LRRC8A: variants seen among roughly 807,000 people sequenced by gnomAD.
LRRC8A encodes volume-regulated anion channel subunit LRRC8A.
LRRC8A carries 24 observed loss-of-function variants against 52.5 expected under a neutral mutation model. The observed-to-expected ratio is 0.46, with a 90% CI of 0.33 to 0.64. LRRC8A has a LOEUF of 0.64. Among genes scored for constraint, LRRC8A ranks in the 30% least tolerant of loss-of-function variants. The probability of loss-of-function intolerance (pLI) is 0.02; values close to 1 mark genes in which losing one functional copy is unlikely to be tolerated. For synonymous variants in LRRC8A, 492 were observed against 494.2 expected (o/e 1.00, Z 0.06); for missense variants, 677 against 1,094.7 (o/e 0.62, Z 5.38).
At chr9:128,890,834 G>T (rs147756310) in intron 2 of LRRC8A, among the ~76,000 whole-genome samples, 62 of 152,298 alleles carry the variant, frequency 4.1e-4, no homozygotes, top group African/African-American at 1.4e-3. Context: ...GTGTGTGGCC[G>T]TGACTCCATG....
Position 128,900,297 on chromosome 9 carries a change from G to A in LRRC8A, c.-8-6860G>A, listed in dbSNP as rs12002632. Among the ~76,000 whole-genome samples the A allele has an allele frequency of 7.3e-3, 1,117 of 152,332 alleles. 8 individuals are homozygous for A. Among genetic ancestry groups the A allele is most frequent in the African/African-American group, 0.019 (791 of 41,574 alleles). ...CTGGGAGAGACTCTGAGTGTATCGAGTCCTAACAATTGACTCTTGTCCTCA... is the reference window on the plus strand; with the variant it reads ...CTGGGAGAGACTCTGAGTGTATCGAATCCTAACAATTGACTCTTGTCCTCA... On this transcript the variant is annotated intron_variant, in intron 2 of 3. Transcript: ENST00000372600.
chr9:128,901,046 G>C (rs904153579), intron 2 of LRRC8A, among the ~76,000 whole-genome samples: 1 of 152,140 alleles, frequency 6.6e-6, no homozygotes, highest in Non-Finnish European at 1.5e-5. Context: ...GGTGGTGCAC[G>C]CCTGTAATCC....
At chr9:128,914,873 C>T (rs1192623158) in intron 3 of LRRC8A, among the ~76,000 whole-genome samples, 1 of 152,188 alleles carries the variant, frequency 6.6e-6, no homozygotes, top group Non-Finnish European at 1.5e-5. Context: ...TTCCTGTGTG[C>T]CAGGAGACAG....
At chr9:128,898,775 T>G (rs1839919209) in intron 2 of LRRC8A, among the ~76,000 whole-genome samples, 2 of 152,260 alleles carry the variant, frequency 1.3e-5, no homozygotes, top group African/African-American at 4.8e-5. Context: ...GGCCCGGCCC[T>G]TGCCTCCAAG....
At chr9:128,882,710 C>T (rs143975099) in intron 1 of LRRC8A, 4 of 399,000 alleles carry the variant, frequency 1.0e-5, no homozygotes, top group Non-Finnish European at 1.8e-5. Context: ...TGCACCCCTC[C>T]TTCCTATCGT....
At chr9:128,901,500 G>C (rs1426052818) in intron 2 of LRRC8A, among the ~76,000 whole-genome samples, 1 of 152,018 alleles carries the variant, frequency 6.6e-6, no homozygotes, top group East Asian at 1.9e-4. Flanking sequence ...GGTGCTACAT[G>C]CCTACAGTCC....
At chr9:128,909,837 C>T (rs946349944) in intron 3 of LRRC8A, among the ~76,000 whole-genome samples, 2 of 152,222 alleles carry the variant, frequency 1.3e-5, no homozygotes, top group African/African-American at 2.4e-5. Flanking sequence ...GAGGGGAAGC[C>T]TTGGATGGTC....
intron 2 of LRRC8A, among the ~76,000 whole-genome samples, chr9:128,904,990 T>C (rs113966926): frequency 0.027 from 2,947 of 108,674 alleles, 102 homozygotes; most frequent in African/African-American, 0.1. Flanking sequence ...AGAGCGAGAC[T>C]CCGTCTCAAA....
At chr9:128,887,279 C>A (rs1034528541) in intron 2 of LRRC8A, among the ~76,000 whole-genome samples, 7 of 152,058 alleles carry the variant, frequency 4.6e-5, no homozygotes, top group Non-Finnish European at 1.5e-5. Context: ...CTGCCTCAGC[C>A]TCCCAACTAG....
chr9:128,908,067 C>A lies in LRRC8A; in HGVS notation c.903C>A (p.Ser301Arg). 1 of 1,614,092 alleles carries A rather than the reference C, an allele frequency of 6.2e-7. No homozygotes were observed. ...FDVDCTVDIE[S>R]LTGYRTYRCA... The stretch of plus-strand genomic sequence containing the variant: ...TGGACTGCACCGTGGACATTGAGAG[C>A]CTGACGGGCTACCGCACCTACCGCT... Residue 301 changes from serine to arginine, a missense_variant, in exon 3 of 4, where the codon AGC (serine) becomes AGA (arginine). Ser to Arg is a moderately radical substitution (Grantham distance 110, BLOSUM62 -1). This residue lies in a region of LRRC8A where 422 missense variants were observed against 741.5 expected (regional missense o/e 0.57). Transcript: ENST00000372600.
At chr9:128,893,438 T>G (rs1156426363) in intron 2 of LRRC8A, among the ~76,000 whole-genome samples, 1 of 152,218 alleles carries the variant, frequency 6.6e-6, no homozygotes, top group Non-Finnish European at 1.5e-5. Flanking sequence ...TAACCCATTT[T>G]AGGATGTAAT....
chr9:128,902,831 G>A lies in LRRC8A; in HGVS notation c.-8-4326G>A, dbSNP rs935001408. Reference sequence around the variant, plus strand: ...GTGGGGCGGGTGCTTGCCCTGGCCCGTGAGTCCTGGCATCACTAGGAGGAC... The same window carrying A: ...GTGGGGCGGGTGCTTGCCCTGGCCCATGAGTCCTGGCATCACTAGGAGGAC... On this transcript the variant is annotated intron_variant, in intron 2 of 3. Transcript: ENST00000372600. The surrounding 1 kb of genome is among the most constrained non-coding windows in gnomAD (Gnocchi z 4.1). Among the ~76,000 whole-genome samples, 1 of 152,178 alleles carries A rather than the reference G, an allele frequency of 6.6e-6. No individual in the cohort carries two copies. The highest frequency in any genetic ancestry group is 2.4e-5 in the African/African-American group (1 of 41,450).
At chr9:128,897,553 ATTTTTTT>A (rs111457899) in intron 2 of LRRC8A, among the ~76,000 whole-genome samples, 1 of 149,552 alleles carries the variant, frequency 6.7e-6, no homozygotes, top group Non-Finnish European at 1.5e-5. Context: ...TTAAAAAAAA[ATTTTTTT>A]TTTGAGACAG....
intron 2 of LRRC8A, among the ~76,000 whole-genome samples, chr9:128,889,019 C>T (rs979955077): frequency 2.0e-5 from 3 of 152,106 alleles, no homozygotes; most frequent in Non-Finnish European, 4.4e-5. Flanking sequence ...CACAGCCTTG[C>T]GTGTGAGGTT....
chr9:128,898,126 C>T (rs2130976982), intron 2 of LRRC8A, among the ~76,000 whole-genome samples: 1 of 150,644 alleles, frequency 6.6e-6, no homozygotes, highest in African/African-American at 2.4e-5. Context: ...TTAGATTTAA[C>T]ATACTTTGAA....
Position 128,884,802 on chromosome 9 carries a change from T to C in LRRC8A, c.-115-1213T>C, listed in dbSNP as rs557348554. Among the ~76,000 whole-genome samples, 3 of 152,222 alleles carry C rather than the reference T, an allele frequency of 2.0e-5. No individual in the cohort carries two copies. In the East Asian group the frequency reaches 5.8e-4, roughly 29 times the overall value. ...TAGAGGTTGGCTTGGATGGCCTCCG[T>C]GCCTATATAGCTGTAGGTACTTTAC... On this transcript the variant is annotated intron_variant, in intron 1 of 3. Transcript: ENST00000372600.
intron 3 of LRRC8A, among the ~76,000 whole-genome samples, chr9:128,912,318 G>A (rs756061598): frequency 6.6e-6 from 1 of 152,204 alleles, no homozygotes; most frequent in Non-Finnish European, 1.5e-5. Flanking sequence ...GAGGCAGTTA[G>A]CACAGTGCGT....
chr9:128,887,589 G>T (rs1176760394), intron 2 of LRRC8A, among the ~76,000 whole-genome samples: 18 of 151,950 alleles, frequency 1.2e-4, no homozygotes, highest in Admixed American at 1.3e-4. Flanking sequence ...ATAAAAATCT[G>T]GTCATGTTTG....
chr9:128,884,563 A>G (rs1839314830), intron 1 of LRRC8A, among the ~76,000 whole-genome samples: 1 of 152,292 alleles, frequency 6.6e-6, no homozygotes, highest in Middle Eastern at 3.4e-3. Context: ...ATTAATAGAA[A>G]TATTACAGAG....
Sources: gnomAD v4.1 joint callset for allele counts (sites outside exome capture counted in the v4.1 genomes callset) on GRCh38, gnomAD v4.1.1 for gene constraint, gnomAD v4.1.1 regional missense constraint, Gnocchi (gnomAD v3.1) non-coding constraint, MANE v1.5 for transcripts, NCBI Gene and HGNC (gene_info 2026-07-23, HGNC 2026-07-21) for gene names.